CSNK1G3: variants seen among roughly 807,000 people sequenced by gnomAD.
CSNK1G3 encodes casein kinase I isoform gamma-3.
In CSNK1G3, 23 loss-of-function variants were observed where a neutral mutation model predicts 64.3. The ratio of observed to expected loss-of-function variants is 0.36; its 90% confidence interval spans 0.26 to 0.51. The LOEUF (loss-of-function observed/expected upper bound fraction) is 0.51, where lower values mean the gene tolerates loss of function less well. Ranked by LOEUF, CSNK1G3 falls within the 20% of genes least tolerant of loss-of-function variation. The pLI, the probability that CSNK1G3 is intolerant of heterozygous loss-of-function variation, is 0.96. For missense variants in CSNK1G3, 357 were observed against 510.5 expected, an observed-to-expected ratio of 0.70 and a Z score of 2.90; for synonymous variants, 158 against 162.2, an observed-to-expected ratio of 0.97 and a Z score of 0.20.
At chr5:123,575,633 C>T in intron 5 of CSNK1G3, 96 bp from the exon 6 acceptor site, 1 of 702,842 alleles carries the variant, frequency 1.4e-6, no homozygotes, top group South Asian at 1.9e-5. Flanking sequence ...TGATTTATTT[C>T]TTTTGTATGT....
intron 9 of CSNK1G3, 152 bp downstream of exon 9, chr5:123,590,710 A>G (rs891579058): frequency 1.3e-5 from 6 of 450,786 alleles, no homozygotes; most frequent in Non-Finnish European, 2.2e-5. Context: ...GTAGTGCCGT[A>G]CTAGTGTTCT....
At chr5:123,512,227 G>C (rs1002672613) in exon 1 of CSNK1G3, 2 of 152,236 alleles carry the variant, frequency 1.3e-5, no homozygotes, top group African/African-American at 4.8e-5. Context: ...GAGGCAGAAG[G>C]ATGTTTGACC....
At chr5:123,560,149 A>G (rs934659958) in intron 4 of CSNK1G3, among the ~76,000 whole-genome samples, 1 of 152,190 alleles carries the variant, frequency 6.6e-6, no homozygotes, top group African/African-American at 2.4e-5. Context: ...CATTAGGGAA[A>G]TGCAGCTGGA....
intron 1 of CSNK1G3, among the ~76,000 whole-genome samples, chr5:123,543,833 G>A (rs929373587): frequency 2.0e-5 from 3 of 152,136 alleles, no homozygotes; most frequent in African/African-American, 7.2e-5. Flanking sequence ...TAGAAGCAGA[G>A]TAAACAGGAA....
At chr5:123,529,466 TCA>T (rs1228517777) in intron 1 of CSNK1G3, among the ~76,000 whole-genome samples, 2 of 152,168 alleles carry the variant, frequency 1.3e-5, no homozygotes, top group African/African-American at 4.8e-5. Flanking sequence ...AGTAGATAGA[TCA>T]TTAAGAGTCC....
intron 6 of CSNK1G3, among the ~76,000 whole-genome samples, chr5:123,579,838 A>G (rs1321757445): frequency 9.2e-5 from 14 of 151,972 alleles, no homozygotes; most frequent in Admixed American, 9.2e-4. Context: ...TTCCCCATTT[A>G]TAAACACTCT....
intron 12 of CSNK1G3, among the ~76,000 whole-genome samples, chr5:123,606,080 A>G (rs961686714): frequency 1.3e-5 from 2 of 152,086 alleles, no homozygotes; most frequent in South Asian, 2.1e-4. Flanking sequence ...TTTTACTCAT[A>G]TCTAAAGGCA....
At chr5:123,587,978 TA>T in intron 6 of CSNK1G3, 89 bp from the exon 7 acceptor site, 1 of 803,124 alleles carries the variant, frequency 1.2e-6, no homozygotes, top group Non-Finnish European at 2.0e-6. Context: ...TTTTGGAAAT[TA>T]ATTTATACAT....
intron 5 of CSNK1G3, among the ~76,000 whole-genome samples, 169 bp downstream of exon 5, chr5:123,573,710 A>T (rs1788560315): frequency 6.6e-6 from 1 of 152,194 alleles, no homozygotes; most frequent in East Asian, 1.9e-4. Flanking sequence ...ACTTAAAATA[A>T]CTGAGTCAAG....
At position 123,522,516 on chromosome 5, in the gene CSNK1G3, A is replaced by G. The variant is rs569331120; in HGVS notation, c.-248+9946A>G. Among the ~76,000 whole-genome samples, 715 of 145,966 alleles carry G rather than the reference A, an allele frequency of 4.9e-3. 2 individuals carry two copies. Among genetic ancestry groups the G allele is most frequent in the South Asian group, 8.8e-3 (40 of 4,562 alleles). The stretch of plus-strand genomic sequence containing the variant: ...AGATTCTGTCTCAAAAAAAAAAAAG[A>G]AAAAAAAAATCTGAGGGTGTGGCCA... On this transcript the variant is annotated intron_variant, in intron 1 of 12. Transcript: ENST00000345990.
At chr5:123,558,876 ATGACT>A (rs1350909433) in intron 4 of CSNK1G3, among the ~76,000 whole-genome samples, 2 of 152,208 alleles carry the variant, frequency 1.3e-5, no homozygotes, top group African/African-American at 4.8e-5. Flanking sequence ...ATTCAAGGAA[ATGACT>A]TGATAGATTA....
intron 5 of CSNK1G3, 32 bp downstream of exon 5, chr5:123,573,573 A>T: frequency 6.5e-7 from 1 of 1,548,184 alleles, no homozygotes; most frequent in Non-Finnish European, 8.7e-7. Context: ...AAGTTGTTTG[A>T]ACAATTACAT....
At chr5:123,590,447 A>G (rs1403956236) in exon 9 of CSNK1G3, 2 of 1,511,556 alleles carry the variant, frequency 1.3e-6, no homozygotes, top group Non-Finnish European at 1.8e-6. Flanking sequence ...TAAGAAGGCT[A>G]GATTTTTTTG....
At chr5:123,537,524 G>A (rs1455438437) in intron 1 of CSNK1G3, among the ~76,000 whole-genome samples, 1 of 152,104 alleles carries the variant, frequency 6.6e-6, no homozygotes, top group East Asian at 1.9e-4. Flanking sequence ...TTGACCATAT[G>A]CAATCTATGT....
At chr5:123,514,535 A>G (rs1776799132) in intron 1 of CSNK1G3, among the ~76,000 whole-genome samples, 1 of 152,206 alleles carries the variant, frequency 6.6e-6, no homozygotes, top group Non-Finnish European at 1.5e-5. Flanking sequence ...AGGGAGAAGC[A>G]GACATACACA....
At chr5:123,572,171 C>T (rs1289710879) in intron 4 of CSNK1G3, among the ~76,000 whole-genome samples, 1 of 151,940 alleles carries the variant, frequency 6.6e-6, no homozygotes, top group Non-Finnish European at 1.5e-5. Flanking sequence ...GGTAGTTCTT[C>T]TTATCAGGCA....
intron 1 of CSNK1G3, among the ~76,000 whole-genome samples, chr5:123,522,191 T>C (rs1413808770): frequency 6.6e-6 from 1 of 152,064 alleles, no homozygotes; most frequent in Non-Finnish European, 1.5e-5. Context: ...TTCCTCAGAT[T>C]CGTTCCAGGA....
intron 1 of CSNK1G3, among the ~76,000 whole-genome samples, chr5:123,540,889 A>G (rs894781003): frequency 2.0e-5 from 3 of 152,180 alleles, no homozygotes; most frequent in African/African-American, 7.2e-5. Flanking sequence ...TTGGCCTCCC[A>G]ATGTGCTGGA....
intron 10 of CSNK1G3, among the ~76,000 whole-genome samples, chr5:123,592,285 G>T (rs568618368): frequency 2.0e-5 from 3 of 151,904 alleles, no homozygotes; most frequent in African/African-American, 4.8e-5. Flanking sequence ...AATAGCAAGC[G>T]GTTCAAATTT....
Sources: allele counts gnomAD v4.1 joint callset (sites outside exome capture counted in the v4.1 genomes callset), GRCh38; gene constraint gnomAD v4.1.1; transcripts MANE v1.5; gene names NCBI Gene and HGNC (gene_info 2026-07-23, HGNC 2026-07-21).